The following ANKS1B variants were observed in gnomAD, a reference collection of about 807,000 sequenced individuals.
The protein encoded by ANKS1B is ankyrin repeat and sterile alpha motif domain containing 1B.
Under a neutral mutation model 148.3 loss-of-function variants are expected in ANKS1B, and 36 were observed. The observed-to-expected ratio is 0.24, with a 90% CI of 0.19 to 0.32. The LOEUF (loss-of-function observed/expected upper bound fraction) is 0.32, where lower values mean the gene tolerates loss of function less well. Ranked by LOEUF, ANKS1B falls within the 10% of genes least tolerant of loss-of-function variation. The pLI is 1.00. For synonymous variants in ANKS1B, 542 were observed against 560.8 expected (o/e 0.97, Z 0.47); for missense variants, 1,157 against 1,542.6 (o/e 0.75, Z 4.19).
chr12:99,686,212 A>C (rs961126141), intron 8 of ANKS1B, among the ~76,000 whole-genome samples: 3 of 152,186 alleles, frequency 2.0e-5, no homozygotes, highest in African/African-American at 4.8e-5. Context: ...CTACATGATG[A>C]ACCATAACCT....
chr12:99,271,661 A>ATTATATATATATATAT (rs2077047118), intron 12 of ANKS1B, among the ~76,000 whole-genome samples: 1 of 60,856 alleles, frequency 1.6e-5, no homozygotes, highest in Non-Finnish European at 3.1e-5. Context: ...CAGTCAATAA[A>ATTATATATATATATAT]CTATATATAT....
intron 14 of ANKS1B, among the ~76,000 whole-genome samples, chr12:99,194,909 A>G (rs1185759207): frequency 6.6e-6 from 1 of 152,214 alleles, no homozygotes; most frequent in Non-Finnish European, 1.5e-5. Flanking sequence ...GTTGGGTGAT[A>G]GGAACATGGA....
At chr12:99,352,613 C>CA (rs2091552628) in intron 12 of ANKS1B, among the ~76,000 whole-genome samples, 1 of 151,920 alleles carries the variant, frequency 6.6e-6, no homozygotes, top group East Asian at 1.9e-4. Flanking sequence ...GCATACAATA[C>CA]AAAAAGATTT....
chr12:99,510,682 A>C (rs893962993), intron 9 of ANKS1B, among the ~76,000 whole-genome samples: 2 of 152,062 alleles, frequency 1.3e-5, no homozygotes, highest in African/African-American at 4.8e-5. Flanking sequence ...TTAGAATATT[A>C]CATAAACTTC....
At chr12:98,979,944 T>C (rs976175187) in intron 17 of ANKS1B, among the ~76,000 whole-genome samples, 3 of 152,220 alleles carry the variant, frequency 2.0e-5, no homozygotes, top group African/African-American at 7.2e-5. Context: ...GCTCTGCTAA[T>C]TTTTTCACTA....
chr12:98,786,581 T>C (rs1335034974), intron 22 of ANKS1B, among the ~76,000 whole-genome samples: 3 of 152,192 alleles, frequency 2.0e-5, no homozygotes, highest in Admixed American at 6.6e-5. Flanking sequence ...TGAAAATAAG[T>C]AGGTTTTCTA....
intron 15 of ANKS1B, among the ~76,000 whole-genome samples, chr12:99,120,071 C>G (rs147297882): frequency 1.6e-4 from 25 of 152,342 alleles, no homozygotes; most frequent in Non-Finnish European, 2.5e-4. Context: ...ACTCAGGGCA[C>G]CAGGTGGGAA....
At chr12:99,601,020 T>C (rs753976882) in intron 9 of ANKS1B, among the ~76,000 whole-genome samples, 6 of 152,236 alleles carry the variant, frequency 3.9e-5, no homozygotes, top group Non-Finnish European at 5.9e-5. Context: ...TGCCAGATAG[T>C]AGTCATAATG....
chr12:99,442,756 A>C (rs1295036271), intron 11 of ANKS1B, among the ~76,000 whole-genome samples: 1 of 151,980 alleles, frequency 6.6e-6, no homozygotes, highest in Non-Finnish European at 1.5e-5. Flanking sequence ...GAAAAATATT[A>C]AACAAATCTT....
chr12:99,798,876 C>G (rs1735137422), intron 4 of ANKS1B, among the ~76,000 whole-genome samples: 1 of 151,996 alleles, frequency 6.6e-6, no homozygotes, highest in African/African-American at 2.4e-5. Context: ...CACTTGTGCT[C>G]TTTATTCTAT....
At chr12:98,840,189 TGAGCTTTGGCACCTTA>T (rs1330614765) in intron 17 of ANKS1B, among the ~76,000 whole-genome samples, 1 of 152,220 alleles carries the variant, frequency 6.6e-6, no homozygotes, top group Non-Finnish European at 1.5e-5. Context: ...CTATTCTTTC[TGAGCTTTGGCACCTTA>T]ATTCCTACAC....
intron 8 of ANKS1B, among the ~76,000 whole-genome samples, chr12:99,659,645 T>C (rs1464569278): frequency 1.3e-5 from 2 of 148,464 alleles, no homozygotes; most frequent in African/African-American, 4.9e-5. Flanking sequence ...CGTGTGTGTT[T>C]GTGTGTCTGT....
At chr12:99,104,570 GACA>G (rs2058715540) in intron 15 of ANKS1B, 1 of 152,202 alleles carries the variant, frequency 6.6e-6, no homozygotes, top group South Asian at 2.1e-4. Context: ...TTCAGAGCAA[GACA>G]ATGTGAATAG....
chr12:99,003,059 C>T (rs910465019), intron 17 of ANKS1B, among the ~76,000 whole-genome samples: 2 of 152,126 alleles, frequency 1.3e-5, no homozygotes, highest in African/African-American at 4.8e-5. Flanking sequence ...GTTGGAGAGC[C>T]AGTTTTCTCA....
chr12:98,829,248 C>T lies in ANKS1B; in HGVS notation c.2992G>A (p.Asp998Asn), dbSNP rs866496524. ...TTTTCATTTCTTCTCCTCCTTGCAT[C>T]GCCCTGCATGATAATGTGAGGAACG... The part of the protein sequence containing the change: ...LDVPHIIMQG[D>N]ARRRRNENYF... Residue 998 changes from aspartate (D) to asparagine (N), a missense_variant, in exon 19 of 27, where the codon GAT (aspartate) becomes AAT (asparagine). Physicochemically the swap from Asp to Asn is conservative, Grantham distance 23. Coordinates refer to ENST00000683438, the MANE Select transcript of ANKS1B (RefSeq NM_001352186.2). The surrounding 1 kb of genome is among the most constrained non-coding windows in gnomAD (Gnocchi z 5.2). 1 of 1,614,006 alleles carries T rather than the reference C, an allele frequency of 6.2e-7. No individual in the cohort carries two copies. The highest frequency in any genetic ancestry group is 8.5e-7 in the Non-Finnish European group (1 of 1,179,890).
intron 12 of ANKS1B, among the ~76,000 whole-genome samples, chr12:99,315,877 G>A (rs1005216307): frequency 6.6e-6 from 1 of 151,816 alleles, no homozygotes; most frequent in African/African-American, 2.4e-5. Context: ...GTGTCCAAGT[G>A]TTCTCATTGT....
chr12:98,973,213 C>CAAAAAAAAAAAA (rs534303391), intron 17 of ANKS1B, among the ~76,000 whole-genome samples: 1 of 103,026 alleles, frequency 9.7e-6, no homozygotes, highest in Non-Finnish European at 1.9e-5. Flanking sequence ...AAACGAAATG[C>CAAAAAAAAAAAA]AAAAAAAAAA....
intron 9 of ANKS1B, among the ~76,000 whole-genome samples, chr12:99,583,075 G>A (rs2097585837): frequency 6.6e-6 from 1 of 152,142 alleles, no homozygotes; most frequent in Admixed American, 6.5e-5. Flanking sequence ...CACAAACCAA[G>A]TGCTTTAAGA....
At chr12:99,585,740 C>A (rs890461549) in intron 9 of ANKS1B, among the ~76,000 whole-genome samples, 1 of 152,198 alleles carries the variant, frequency 6.6e-6, no homozygotes, top group Non-Finnish European at 1.5e-5. Flanking sequence ...ACCAACACCA[C>A]GTGGAAGTTG....
Sources: allele counts gnomAD v4.1 joint callset (sites outside exome capture counted in the v4.1 genomes callset), GRCh38; gene constraint gnomAD v4.1.1; non-coding constraint Gnocchi (gnomAD v3.1); transcripts MANE v1.5; gene names NCBI Gene and HGNC (gene_info 2026-07-23, HGNC 2026-07-21).